The following GRK6 variants were observed in gnomAD, a reference collection of about 807,000 sequenced individuals.
GRK6 encodes G protein-coupled receptor kinase 6.
Under a neutral mutation model 80.8 loss-of-function variants are expected in GRK6, and 37 were observed. The ratio of observed to expected loss-of-function variants is 0.46; its 90% CI spans 0.35 to 0.60. The LOEUF (loss-of-function observed/expected upper bound fraction) is 0.60. Ranked by LOEUF, GRK6 falls within the 20% of genes least tolerant of loss-of-function variation. GRK6 has a pLI of 0.00. For missense variants in GRK6, 560 were observed against 784.6 expected (o/e 0.71, Z 3.42); for synonymous variants, 295 against 320.9 (o/e 0.92, Z 0.86).
chr5:177,435,213 C>A, intron 11 of GRK6, 92 bp downstream of exon 11: 2 of 900,522 alleles, frequency 2.2e-6, no homozygotes, highest in African/African-American at 1.7e-5. Flanking sequence ...AGTCTTCTCT[C>A]AAAAGGGGCC....
chr5:177,441,270 G>T, intron 15 of GRK6: 1 of 1,563,332 alleles, frequency 6.4e-7, no homozygotes. Flanking sequence ...GCTCCCCGTG[G>T]GTTGGCCTTG....
At position 177,428,887 on chromosome 5, in the gene GRK6, T is replaced by C. The variant is rs570210713; in HGVS notation, c.53-1985T>C. 1.3e-5 allele frequency among the ~76,000 whole-genome samples: 2 copies of C among 152,276 alleles called. No individual in the cohort carries two copies. Among genetic ancestry groups the C allele is most frequent in the African/African-American group, 4.8e-5 (2 of 41,564 alleles). On this transcript the variant is annotated intron_variant, in intron 1 of 15. Transcript: ENST00000355472. The surrounding 1 kb of genome is among the most constrained non-coding windows in gnomAD (Gnocchi z 4.1). The stretch of plus-strand genomic sequence containing the variant: ...AACCACCTCATGAACTGGCTTTTCA[T>C]GAGCTTGAGGCTGGGGCCCCTGACG...
upstream of GRK6, chr5:177,426,518 CT>C (rs1581669712): frequency 6.6e-6 from 1 of 152,234 alleles, no homozygotes; most frequent in Non-Finnish European, 1.5e-5. Flanking sequence ...CCCCGTACTT[CT>C]TTGAGCGAGT....
intron 2 of GRK6, among the ~76,000 whole-genome samples, chr5:177,431,541 C>G (rs1442320876): frequency 6.6e-6 from 1 of 152,226 alleles, no homozygotes; most frequent in East Asian, 1.9e-4. Context: ...AGAGCACACC[C>G]GGGCTGCTTC....
In GRK6 at chr5:177,431,769, T is replaced by C. The variant is rs1039795693; in HGVS notation, c.149-226T>C. On this transcript the variant is annotated intron_variant, in intron 2 of 15. Coordinates refer to ENST00000355472, the MANE Select transcript of GRK6 (RefSeq NM_001004106.3). ...GGAGGCCTGGGCTCTGGAGCCAGAC[T>C]CCCGGCTGTGTGACACTGAGCTAGT... 3.3e-5 allele frequency: 19 copies of C among 582,980 alleles called. No homozygotes were observed. In the South Asian group the frequency reaches 3.8e-4, roughly 12 times the overall value. 36.1% of individuals were successfully genotyped at this position (582,980 alleles called of 1,614,324 possible).
At chr5:177,430,848 C>A in intron 1 of GRK6, 24 bp from the exon 2 acceptor site, 1 of 1,607,966 alleles carries the variant, frequency 6.2e-7, no homozygotes, top group Non-Finnish European at 8.5e-7. Context: ...GGACTCGAGA[C>A]CCAGTGTCCT....
Position 177,436,509 on chromosome 5 carries a change from G to A in GRK6, c.1383G>A (p.Leu461=). 6.2e-7 allele frequency: 1 copy of A among 1,603,346 alleles called. No individual in the cohort carries two copies. Among genetic ancestry groups the A allele is most frequent in the Non-Finnish European group, 8.5e-7 (1 of 1,174,778 alleles). The change falls in exon 13 of 16, where the codon CTG becomes CTA. Residue 461 remains leucine (L), a synonymous_variant. Coordinates refer to ENST00000355472, the MANE Select transcript of GRK6 (RefSeq NM_001004106.3). The part of the protein sequence containing the change: ...LNFKRLGAGM[L]EPPFKPDPQA... ...TCAAGCGGCTGGGAGCTGGCATGCTGGAGCCGCCGTTCAAGCCTGACGTGA... is the reference window on the plus strand; with the variant it reads ...TCAAGCGGCTGGGAGCTGGCATGCTAGAGCCGCCGTTCAAGCCTGACGTGA...
rs144043821 is a variant in GRK6 at position 177,436,446 on chromosome 5, C to G, written c.1320C>G (p.Arg440=). 1 of 1,612,938 alleles carries G rather than the reference C, an allele frequency of 6.2e-7. No individual in the cohort carries two copies. Among genetic ancestry groups the G allele is most frequent in the South Asian group, 1.1e-5 (1 of 91,020 alleles). The change falls in exon 13 of 16, where the codon CGC becomes CGG. Residue 440 remains arginine, a synonymous_variant. Coordinates refer to ENST00000355472, the MANE Select transcript of GRK6 (RefSeq NM_001004106.3). ...TGGGGTGTCGTGGGGGCAGTGCCCG[C>G]GAGGTGAAGGAGCACCCCCTCTTTA... The part of the protein sequence containing the change: ...ERLGCRGGSA[R]EVKEHPLFKK...
chr5:177,426,204 C>T (rs756325950), upstream of GRK6, among the ~76,000 whole-genome samples: 10 of 152,242 alleles, frequency 6.6e-5, no homozygotes, highest in Non-Finnish European at 1.0e-4. Context: ...CCGCAGGAGG[C>T]CCAGGATACG....
rs1764441493 is a variant in GRK6 at position 177,440,737 on chromosome 5, A to C, written c.1442A>C (p.Glu481Ala). The change falls in exon 14 of 16, where the codon GAA (glutamate) becomes GCA (alanine). Residue 481 changes from glutamate (E) to alanine (A), a missense_variant. Transcript: ENST00000355472. ...TACTGCAAGGATGTTCTGGACATTGAACAGTTCTCTACGGTCAAGGGCGTG... is the reference window on the plus strand; with the variant it reads ...TACTGCAAGGATGTTCTGGACATTGCACAGTTCTCTACGGTCAAGGGCGTG... ...AIYCKDVLDI[E>A]QFSTVKGVEL... 6.2e-7 allele frequency: 1 copy of C among 1,614,184 alleles called. No homozygotes were observed.
chr5:177,441,337 A>G, intron 15 of GRK6: 2 of 1,524,388 alleles, frequency 1.3e-6, no homozygotes, highest in Non-Finnish European at 1.8e-6. Context: ...AAGATGTGGG[A>G]GAAAGAAGTC....
intron 1 of GRK6, 90 bp from the exon 2 acceptor site, chr5:177,430,782 T>C: frequency 8.9e-7 from 1 of 1,118,552 alleles, no homozygotes; most frequent in Non-Finnish European, 1.3e-6. Context: ...CTGCCTTGGC[T>C]GGGCCCTAGA....
At chr5:177,441,603 G>C (rs1234753425) in intron 15 of GRK6, 134 bp from the exon 16 acceptor site, 1 of 793,272 alleles carries the variant, frequency 1.3e-6, no homozygotes, top group African/African-American at 1.7e-5. Context: ...TTGTGGAGAG[G>C]CCCCTCCCCA....
At position 177,436,408 on chromosome 5, in the gene GRK6, C is replaced by G; in HGVS notation, c.1282C>G (p.Pro428Ala). 1 of 1,613,154 alleles carries G rather than the reference C, an allele frequency of 6.2e-7. No individual in the cohort carries two copies. Among genetic ancestry groups the G allele is most frequent in the Non-Finnish European group, 8.5e-7 (1 of 1,179,842 alleles). ...CCTGCCACAGCTCCTCTGCAAGGAC[C>G]CTGCCGAACGCCTGGGGTGTCGTGG... is the stretch of plus-strand genomic sequence containing the variant. ...SLCSQLLCKD[P>A]AERLGCRGGS... Residue 428 changes from proline to alanine, a missense_variant, in exon 13 of 16, where the codon CCT (proline) becomes GCT (alanine). By Grantham distance (27) the Pro-to-Ala change is conservative. This residue lies in a region of GRK6 where 294 missense variants were observed against 397.4 expected (regional missense o/e 0.74). Coordinates refer to ENST00000355472, the MANE Select transcript of GRK6 (RefSeq NM_001004106.3).
At position 177,436,221 on chromosome 5, in the gene GRK6, G is replaced by A; in HGVS notation, c.1206G>A (p.Lys402=). 1 of 1,614,174 alleles carries A rather than the reference G, an allele frequency of 6.2e-7. No individual in the cohort carries two copies. Among genetic ancestry groups the A allele is most frequent in the Non-Finnish European group, 8.5e-7 (1 of 1,180,020 alleles). ...GGGAGGAGGTGGAGCGGCTGGTGAAGGAGGTCCCCGAGGAGTATTCCGAGC... is the reference window on the plus strand; with the variant it reads ...GGGAGGAGGTGGAGCGGCTGGTGAAAGAGGTCCCCGAGGAGTATTCCGAGC... The part of the protein sequence containing the change: ...IKREEVERLV[K]EVPEEYSERF... Residue 402 remains lysine, a synonymous_variant, in exon 12 of 16, where the codon AAG becomes AAA. Transcript: ENST00000355472.
At chr5:177,438,420 G>A (rs541057226) in intron 13 of GRK6, 1 of 152,312 alleles carries the variant, frequency 6.6e-6, no homozygotes, top group East Asian at 1.9e-4. Context: ...AATGATGGTG[G>A]GGGGAGCGCT....
intron 9 of GRK6, among the ~76,000 whole-genome samples, 192 bp from the exon 10 acceptor site, chr5:177,434,710 A>G (rs1345311809): frequency 6.6e-6 from 1 of 152,194 alleles, no homozygotes; most frequent in East Asian, 1.9e-4. Flanking sequence ...TCCTGGCTCT[A>G]GATCCTTCCT....
chr5:177,431,379 G>T (rs1289317950), intron 2 of GRK6, among the ~76,000 whole-genome samples: 1 of 152,174 alleles, frequency 6.6e-6, no homozygotes, highest in Non-Finnish European at 1.5e-5. Flanking sequence ...GCAAATCCTT[G>T]ACCAGAAGCC....
chr5:177,427,764 G>A (rs757696066), intron 1 of GRK6, among the ~76,000 whole-genome samples: 2 of 152,220 alleles, frequency 1.3e-5, no homozygotes, highest in Non-Finnish European at 2.9e-5. Flanking sequence ...TGCTGGGGAA[G>A]CAGCAGTAAA....
Sources: allele counts gnomAD v4.1 joint callset (sites outside exome capture counted in the v4.1 genomes callset), GRCh38; gene constraint gnomAD v4.1.1; regional missense constraint gnomAD v4.1.1; non-coding constraint Gnocchi (gnomAD v3.1); transcripts MANE v1.5; gene names NCBI Gene and HGNC (gene_info 2026-07-23, HGNC 2026-07-21).